IAH1: variants seen among roughly 807,000 people sequenced by gnomAD.
IAH1 encodes isoamyl acetate hydrolyzing esterase 1 (putative).
Under a neutral mutation model 26.7 loss-of-function variants are expected in IAH1, and 24 were observed. That is an observed-to-expected ratio of 0.90 (90% CI 0.65 to 1.26). The LOEUF (loss-of-function observed/expected upper bound fraction) is 1.26. Among genes scored for constraint, IAH1 ranks in the 50% most tolerant of loss-of-function variants. The pLI, the probability that IAH1 is intolerant of heterozygous loss-of-function variation, is 0.00. For missense variants in IAH1, 300 were observed against 299.9 expected (o/e 1.00, Z 0.00); for synonymous variants, 140 against 118.5 (o/e 1.18, Z -1.18).
chr2:9,511,143 AG>A, the IAH1 span, among the ~76,000 whole-genome samples: 9 of 152,182 alleles, frequency 5.9e-5, no homozygotes, highest in Non-Finnish European at 1.3e-4. Context: ...GGAAAAAAAA[AG>A]CAAGGGGTAA....
At chr2:9,486,502 T>TA (rs1357614776) in intron 5 of IAH1, 1 of 152,132 alleles carries the variant, frequency 6.6e-6, no homozygotes, top group East Asian at 1.9e-4. Flanking sequence ...GTGCTACTAT[T>TA]ATATGATAGC....
At chr2:9,496,465 C>T (rs1250563192) in exon 7 of IAH1, 1 of 152,292 alleles carries the variant, frequency 6.6e-6, no homozygotes, top group Admixed American at 6.5e-5. Context: ...ACTCCCTCAT[C>T]GACTCCCATG....
intron 2 of IAH1, 123 bp downstream of exon 2, chr2:9,476,162 A>C: frequency 1.3e-6 from 1 of 775,674 alleles, no homozygotes; most frequent in Middle Eastern, 3.6e-4. Flanking sequence ...TGCCTCCCCT[A>C]ATCAGTATAT....
At chr2:9,475,911 T>G in intron 1 of IAH1, 76 bp from the exon 2 acceptor site, 1 of 1,289,574 alleles carries the variant, frequency 7.8e-7, no homozygotes, top group Non-Finnish European at 1.1e-6. Context: ...AAAACAGAAG[T>G]TGCCAATCAG....
rs1048369891 is a variant in IAH1, at chr2:9,489,550, G to C, written c.*1221G>C. On this transcript the variant is annotated 3_prime_UTR_variant, in exon 6 of 6. Transcript: ENST00000497473. Reference sequence around the variant, plus strand: ...GCCCTCACTGTAAGGTAGGTGGTTAGGTTTCTAGAGAGCATTAGTCTTAGA... The same window carrying C: ...GCCCTCACTGTAAGGTAGGTGGTTACGTTTCTAGAGAGCATTAGTCTTAGA... The C allele has an allele frequency of 3.9e-5, 6 of 152,354 alleles. No homozygotes were observed. The highest frequency in any genetic ancestry group is 1.4e-4 in the African/African-American group (6 of 41,414). The allele number at this position is 152,354 out of a possible 1,614,324, so 9.4% of individuals were successfully genotyped here. A position where few individuals can be genotyped will look rare whatever the true frequency, so the allele number is the denominator to read the frequency against.
intron 5 of IAH1, among the ~76,000 whole-genome samples, 193 bp from the exon 6 acceptor site, chr2:9,487,954 C>CT (rs1255512888): frequency 2.0e-5 from 3 of 152,118 alleles, no homozygotes; most frequent in Non-Finnish European, 4.4e-5. Flanking sequence ...CCATCTTCGC[C>CT]TCCCAAGTAG....
At chr2:9,491,093 ATACTTACACTGGGG>A, downstream of IAH1, 1 of 1,611,718 alleles carries the variant, frequency 6.2e-7, no homozygotes, top group Non-Finnish European at 8.5e-7. Flanking sequence ...TTCATATGGT[ATACTTACACTGGGG>A]TGAAACAGAG....
At chr2:9,481,775 G>T (rs566331622) in intron 4 of IAH1, among the ~76,000 whole-genome samples, 58 of 146,394 alleles carry the variant, frequency 4.0e-4, no homozygotes, top group South Asian at 8.7e-4. Flanking sequence ...GGCCTGCGGG[G>T]GCTGATGCTG....
the IAH1 span, among the ~76,000 whole-genome samples, chr2:9,511,230 C>T: frequency 6.6e-6 from 1 of 152,156 alleles, no homozygotes; most frequent in African/African-American, 2.4e-5. Context: ...GGGTTGATCG[C>T]CTGAGGTCAG....
the IAH1 span, chr2:9,510,194 T>C: frequency 1.6e-5 from 25 of 1,574,922 alleles, no homozygotes; most frequent in Admixed American, 1.0e-4. Context: ...CTTCTGCCAG[T>C]TGGGCCTATG....
the IAH1 span, among the ~76,000 whole-genome samples, chr2:9,503,731 G>A: frequency 9.9e-5 from 15 of 151,950 alleles, no homozygotes; most frequent in East Asian, 3.9e-4. Flanking sequence ...CCAGCTACTG[G>A]GGAGGCTGAG....
the IAH1 span, among the ~76,000 whole-genome samples, chr2:9,510,398 G>C: frequency 1.3e-5 from 2 of 152,192 alleles, no homozygotes; most frequent in African/African-American, 4.8e-5. Flanking sequence ...AGGCATGGTG[G>C]CTCACGCCTG....
chr2:9,510,009 T>A, the IAH1 span: 13 of 1,614,024 alleles, frequency 8.1e-6, no homozygotes, highest in African/African-American at 2.7e-5. Context: ...CACTCACAGC[T>A]ATGGGATACA....
upstream of IAH1, chr2:9,474,538 G>GGTCCC: frequency 7.7e-7 from 1 of 1,293,728 alleles, no homozygotes; most frequent in Non-Finnish European, 1.0e-6. This position sits in a 1 kb window ranked among gnomAD's most constrained non-coding sequence, Gnocchi z 4.3. Flanking sequence ...CGTGGCTGGC[G>GGTCCC]GCCCCGCCCC....
At chr2:9,487,858 G>C (rs1286981775) in intron 5 of IAH1, among the ~76,000 whole-genome samples, 2 of 151,290 alleles carry the variant, frequency 1.3e-5, no homozygotes, top group African/African-American at 4.9e-5. Context: ...GCGCTGTGGG[G>C]GGAGACAGTC....
chr2:9,496,121 T>C (rs1206604701), intron 6 of IAH1, among the ~76,000 whole-genome samples: 2 of 152,042 alleles, frequency 1.3e-5, no homozygotes, highest in African/African-American at 4.8e-5. Flanking sequence ...ATTTATTTTA[T>C]TTTTTACTTA....
rs1661877047 is a variant in IAH1, at chr2:9,489,262, T to C, written c.*933T>C. ...ATTCTAGGTTTGTAGATAGTGAATT[T>C]TTTTTTTTTTTTTTTTTTTTTGAGG... On this transcript the variant is annotated 3_prime_UTR_variant, in exon 6 of 6. Transcript: ENST00000497473. The C allele has an allele frequency of 1.2e-5, 1 of 83,868 alleles. No homozygotes were observed. The highest frequency in any genetic ancestry group is 3.1e-5 in the Non-Finnish European group (1 of 32,334). 5.2% of individuals were successfully genotyped at this position (83,868 alleles called of 1,614,324 possible).
downstream of IAH1, chr2:9,497,108 G>A (rs1333720371): frequency 6.2e-7 from 1 of 1,613,028 alleles, no homozygotes; most frequent in Admixed American, 1.7e-5. Context: ...GAATAAAACT[G>A]CTCACCATTA....
At chr2:9,500,907 C>T (rs960526128), downstream of IAH1, among the ~76,000 whole-genome samples, 3 of 152,188 alleles carry the variant, frequency 2.0e-5, no homozygotes, top group Non-Finnish European at 4.4e-5. Flanking sequence ...AAAAGGACAA[C>T]TTATGAAGCT....
Sources: allele counts gnomAD v4.1 joint callset (sites outside exome capture counted in the v4.1 genomes callset), GRCh38; gene constraint gnomAD v4.1.1; non-coding constraint Gnocchi (gnomAD v3.1); transcripts MANE v1.5; gene names NCBI Gene and HGNC (gene_info 2026-07-23, HGNC 2026-07-21).